The following SLC9A9 variants were observed in gnomAD, a reference collection of about 807,000 sequenced individuals.
SLC9A9 encodes the protein solute carrier family 9 member A9, also known as sodium/hydrogen exchanger 9.
SLC9A9 carries 62 observed loss-of-function variants against 77.8 expected under a neutral mutation model. The ratio of observed to expected loss-of-function variants is 0.80; its 90% confidence interval spans 0.65 to 0.98. The LOEUF (loss-of-function observed/expected upper bound fraction) is 0.98, where lower values mean the gene tolerates loss of function less well. SLC9A9 is among the 50% of genes least tolerant of loss of function. SLC9A9 has a pLI of 0.00. For synonymous variants in SLC9A9, 320 were observed against 283.5 expected, an observed-to-expected ratio of 1.13 and a Z score of -1.29; for missense variants, 775 against 774.9, an observed-to-expected ratio of 1.00 and a Z score of 0.00.
chr3:143,654,587 A>G (rs1385681548), intron 5 of SLC9A9, among the ~76,000 whole-genome samples: 1 of 152,230 alleles, frequency 6.6e-6, no homozygotes, highest in African/African-American at 2.4e-5. Context: ...AAAAGTTACA[A>G]TGGGGTTTGG....
At chr3:143,804,632 C>T (rs995757191) in intron 2 of SLC9A9, among the ~76,000 whole-genome samples, 2 of 152,182 alleles carry the variant, frequency 1.3e-5, no homozygotes, top group Non-Finnish European at 2.9e-5. Context: ...TGGACAGGCA[C>T]ATGCTCACTA....
chr3:143,817,189 C>T (rs564522750), intron 2 of SLC9A9, among the ~76,000 whole-genome samples: 72 of 148,736 alleles, frequency 4.8e-4, no homozygotes, highest in Non-Finnish European at 8.9e-4. Flanking sequence ...TCGCCCAGGC[C>T]GGACTGCGGA....
At chr3:143,316,088 A>T (rs2031201368) in intron 14 of SLC9A9, among the ~76,000 whole-genome samples, 2 of 152,212 alleles carry the variant, frequency 1.3e-5, no homozygotes, top group African/African-American at 4.8e-5. Flanking sequence ...ATTGACGGAC[A>T]TTAGGGATGG....
intron 6 of SLC9A9, among the ~76,000 whole-genome samples, chr3:143,615,362 A>C (rs1398134965): frequency 6.6e-6 from 1 of 152,250 alleles, no homozygotes; most frequent in East Asian, 1.9e-4. Flanking sequence ...GATTGAATAC[A>C]GGTATAAGAA....
At chr3:143,789,845 G>A (rs1215439041) in intron 4 of SLC9A9, among the ~76,000 whole-genome samples, 1 of 152,142 alleles carries the variant, frequency 6.6e-6, no homozygotes, top group Non-Finnish European at 1.5e-5. Context: ...AGCCCAATGA[G>A]AAATCAATAC....
intron 11 of SLC9A9, among the ~76,000 whole-genome samples, chr3:143,478,091 AC>A (rs1475926753): frequency 6.6e-6 from 1 of 152,002 alleles, no homozygotes; most frequent in Admixed American, 6.6e-5. Context: ...GATGTTTTTG[AC>A]TCTCCAGTGG....
intron 12 of SLC9A9, among the ~76,000 whole-genome samples, chr3:143,403,368 T>C (rs35233571): frequency 0.28 from 42,205 of 151,948 alleles, 6,362 homozygotes; most frequent in Non-Finnish European, 0.35. Flanking sequence ...TTTTATATTG[T>C]TTTTAGTTTT....
intron 14 of SLC9A9, among the ~76,000 whole-genome samples, chr3:143,312,325 A>G (rs1245735217): frequency 6.6e-6 from 1 of 152,254 alleles, no homozygotes; most frequent in African/African-American, 2.4e-5. Flanking sequence ...TCACAAAAGC[A>G]CCTCTACCAA....
chr3:143,806,048 T>G (rs775571139), intron 2 of SLC9A9, among the ~76,000 whole-genome samples: 34 of 151,966 alleles, frequency 2.2e-4, no homozygotes, highest in Non-Finnish European at 4.6e-4. Context: ...TCTACTTCTC[T>G]TTATCCTTTA....
chr3:143,589,388 C>T (rs2037610902), intron 6 of SLC9A9, among the ~76,000 whole-genome samples: 1 of 152,114 alleles, frequency 6.6e-6, no homozygotes, highest in African/African-American at 2.4e-5. Flanking sequence ...ACATTTCAAT[C>T]CACAACAGAC....
chr3:143,348,603 T>C (rs2032365977), intron 14 of SLC9A9, among the ~76,000 whole-genome samples: 1 of 152,236 alleles, frequency 6.6e-6, no homozygotes, highest in African/African-American at 2.4e-5. Context: ...TACTCCTTTT[T>C]TAAGAAAGTA....
At chr3:143,334,700 G>A (rs1364638585) in intron 14 of SLC9A9, among the ~76,000 whole-genome samples, 1 of 152,148 alleles carries the variant, frequency 6.6e-6, no homozygotes, top group Non-Finnish European at 1.5e-5. Flanking sequence ...AGTGACCTGA[G>A]TCATTTTTTG....
intron 14 of SLC9A9, among the ~76,000 whole-genome samples, chr3:143,334,968 A>C (rs969556911): frequency 6.6e-6 from 1 of 152,170 alleles, no homozygotes. Context: ...GGCATGAAAA[A>C]AAAAAATAGC....
chr3:143,368,575 A>G (rs2108488148), intron 13 of SLC9A9, among the ~76,000 whole-genome samples: 1 of 152,328 alleles, frequency 6.6e-6, no homozygotes, highest in East Asian at 1.9e-4. Flanking sequence ...TTTCATATTC[A>G]ATATTAATGT....
In SLC9A9 at chr3:143,363,694, A is replaced by C. The variant is rs944491162; in HGVS notation, c.1525-131T>G. On this transcript the variant is annotated intron_variant, in intron 13 of 15. Transcript: ENST00000316549. The stretch of plus-strand genomic sequence containing the variant: ...TTTCTAAGTATAGGCATTTTCATCT[A>C]AATGGTGAAGCAGTTTCCAGGCAAA... 21 of 772,660 alleles carry C rather than the reference A, an allele frequency of 2.7e-5. No homozygotes were observed. The African/African-American group carries it at 3.2e-4, about 12-fold the overall frequency. 47.9% of individuals were successfully genotyped at this position (772,660 alleles called of 1,614,324 possible).
intron 11 of SLC9A9, among the ~76,000 whole-genome samples, chr3:143,481,446 AC>A (rs1308990067): frequency 6.6e-6 from 1 of 152,192 alleles, no homozygotes; most frequent in African/African-American, 2.4e-5. Flanking sequence ...TGCTGAAGGA[AC>A]CACAAGAAAT....
intron 14 of SLC9A9, among the ~76,000 whole-genome samples, chr3:143,328,584 C>T (rs2031674972): frequency 6.6e-6 from 1 of 152,218 alleles, no homozygotes; most frequent in South Asian, 2.1e-4. Flanking sequence ...AAGCCCAGTG[C>T]AATGCCATCC....
intron 4 of SLC9A9, among the ~76,000 whole-genome samples, chr3:143,711,805 C>T (rs1288603531): frequency 1.3e-5 from 2 of 152,110 alleles, no homozygotes; most frequent in African/African-American, 4.8e-5. Flanking sequence ...ACTCCAGCAA[C>T]AGAAGTATCC....
Position 143,382,053 on chromosome 3 carries a change from G to C in SLC9A9, c.1524+7C>G, listed in dbSNP as rs1322899225. 1.2e-6 allele frequency: 2 copies of C among 1,613,946 alleles called. No individual in the cohort carries two copies. Among genetic ancestry groups the C allele is most frequent in the African/African-American group, 1.3e-5 (1 of 74,904 alleles). ...CTATATAATGTGCATTGGTTTCTTT[G>C]ACTTGCCTGGTGTTGTGAGGAGGGG... On this transcript the variant is annotated splice_region_variant and intron_variant, in intron 13 of 15. Coordinates refer to ENST00000316549, the MANE Select transcript of SLC9A9 (RefSeq NM_173653.4).
Sources: allele counts gnomAD v4.1 joint callset (sites outside exome capture counted in the v4.1 genomes callset), GRCh38; gene constraint gnomAD v4.1.1; transcripts MANE v1.5; gene names NCBI Gene and HGNC (gene_info 2026-07-23, HGNC 2026-07-21).